The following SLC4A4 variants were observed in gnomAD, a reference collection of about 807,000 sequenced individuals.
The protein encoded by SLC4A4 is electrogenic sodium bicarbonate cotransporter 1.
A neutral mutation model predicts 111.5 loss-of-function variants in SLC4A4; 27 were observed. The ratio of observed to expected loss-of-function variants is 0.24; its 90% CI spans 0.18 to 0.33. SLC4A4 has a LOEUF of 0.33. Among genes scored for constraint, SLC4A4 ranks in the 10% least tolerant of loss-of-function variants. The pLI, the probability that SLC4A4 is intolerant of heterozygous loss-of-function variation, is 1.00. For missense variants in SLC4A4, 909 were observed against 1,315.5 expected (o/e 0.69, Z 4.78); for synonymous variants, 443 against 463.4 (o/e 0.96, Z 0.57).
intron 3 of SLC4A4, among the ~76,000 whole-genome samples, chr4:71,274,710 A>G (rs76890151): frequency 0.015 from 2,282 of 152,238 alleles, 53 homozygotes; most frequent in African/African-American, 0.05. Flanking sequence ...TGTGCCTTTT[A>G]CTAGCTCTTT....
chr4:71,429,614 A>G (rs903413975), intron 7 of SLC4A4, among the ~76,000 whole-genome samples: 1 of 152,156 alleles, frequency 6.6e-6, no homozygotes, highest in Non-Finnish European at 1.5e-5. Flanking sequence ...TGAACTAGTC[A>G]AAGTATTTTT....
chr4:71,305,817 A>G (rs1185472916), intron 3 of SLC4A4, among the ~76,000 whole-genome samples: 1 of 152,226 alleles, frequency 6.6e-6, no homozygotes, highest in Non-Finnish European at 1.5e-5. Flanking sequence ...TTATAGCCTA[A>G]TGGGAGGAGA....
At chr4:71,368,030 A>G (rs957745311) in intron 6 of SLC4A4, among the ~76,000 whole-genome samples, 2 of 152,162 alleles carry the variant, frequency 1.3e-5, no homozygotes, top group African/African-American at 4.8e-5. Flanking sequence ...TGATCATTTA[A>G]TGATGATCTT....
intron 16 of SLC4A4, among the ~76,000 whole-genome samples, chr4:71,522,370 A>C (rs540315918): frequency 1.2e-4 from 19 of 152,346 alleles, no homozygotes; most frequent in African/African-American, 4.3e-4. Flanking sequence ...GATCATAAAC[A>C]TGGAACAAAG....
chr4:71,415,905 T>C (rs1432971204), intron 7 of SLC4A4, among the ~76,000 whole-genome samples: 1 of 152,236 alleles, frequency 6.6e-6, no homozygotes, highest in African/African-American at 2.4e-5. Flanking sequence ...GCATAAATAC[T>C]TTCAAAGATC....
At chr4:71,065,678 C>T (rs1007812622) in intron 1 of SLC4A4, among the ~76,000 whole-genome samples, 28 of 151,976 alleles carry the variant, frequency 1.8e-4, no homozygotes, top group African/African-American at 5.6e-4. Context: ...TGGGACTTTG[C>T]GCATGTGTTT....
intron 7 of SLC4A4, among the ~76,000 whole-genome samples, chr4:71,400,159 G>A (rs1720227226): frequency 6.6e-6 from 1 of 152,114 alleles, no homozygotes; most frequent in Non-Finnish European, 1.5e-5. Context: ...TTTATTAAGG[G>A]CAGCTCTCCT....
chr4:71,453,403 ATATGT>A, intron 11 of SLC4A4, 87 bp from the exon 12 acceptor site: 1 of 1,230,426 alleles, frequency 8.1e-7, no homozygotes. Context: ...AGCATTTTAA[ATATGT>A]TGTGTTTGAT....
chr4:71,441,543 G>A (rs867858121), intron 8 of SLC4A4, among the ~76,000 whole-genome samples: 12 of 152,188 alleles, frequency 7.9e-5, no homozygotes, highest in Middle Eastern at 3.4e-3. Context: ...GTTGTTTTCT[G>A]TGGGTTCCAG....
At chr4:71,528,815 A>G (rs978071012) in intron 16 of SLC4A4, among the ~76,000 whole-genome samples, 4 of 152,054 alleles carry the variant, frequency 2.6e-5, no homozygotes, top group Non-Finnish European at 5.9e-5. Flanking sequence ...AAGTGGAAAA[A>G]TCAAAATATC....
intron 3 of SLC4A4, among the ~76,000 whole-genome samples, chr4:71,257,739 T>A (rs147718471): frequency 1.5e-3 from 236 of 152,288 alleles, no homozygotes; most frequent in African/African-American, 5.2e-3. Context: ...ATAGACAAGG[T>A]TCCCACATGT....
chr4:71,135,083 A>G (rs11729471), intron 2 of SLC4A4, among the ~76,000 whole-genome samples: 103,489 of 152,002 alleles, frequency 0.68, 37,370 homozygotes, highest in Admixed American at 0.81. Flanking sequence ...GTTCTTTAGC[A>G]TAAGTTCCAT....
intron 20 of SLC4A4, among the ~76,000 whole-genome samples, chr4:71,548,181 G>A (rs573160788): frequency 3.5e-4 from 53 of 151,690 alleles, no homozygotes; most frequent in East Asian, 3.9e-4. Flanking sequence ...GATATTTTTC[G>A]ACTATTCTTA....
chr4:71,228,784 T>C (rs914845285), intron 1 of SLC4A4, among the ~76,000 whole-genome samples: 1 of 152,190 alleles, frequency 6.6e-6, no homozygotes, highest in Non-Finnish European at 1.5e-5. Flanking sequence ...TACAGAGAGG[T>C]TACTGGTGCA....
In SLC4A4 at chr4:71,128,159, A is replaced by C. The variant is rs547561046; in HGVS notation, c.-2+35367A>C. The stretch of plus-strand genomic sequence containing the variant: ...CAAAAGAAAGAGGTTTAATCCACTC[A>C]CAGTTCCACCTGGCTGGGGAGGCCT... On this transcript the variant is annotated intron_variant, in intron 2 of 26. Coordinates refer to the SLC4A4 transcript ENST00000649996. Among the ~76,000 whole-genome samples the C allele has an allele frequency of 3.9e-5, 6 of 152,372 alleles. No homozygotes were observed. The East Asian group carries it at 9.6e-4, about 24-fold the overall frequency.
At chr4:71,352,633 C>CGA (rs1729945177) in intron 5 of SLC4A4, among the ~76,000 whole-genome samples, 1 of 152,178 alleles carries the variant, frequency 6.6e-6, no homozygotes, top group Admixed American at 6.5e-5. Context: ...AGTCTTCATT[C>CGA]CCTCATCTAT....
In SLC4A4 at chr4:71,462,795, C is replaced by T. The variant is rs115869958; in HGVS notation, c.1498-3649C>T. 1.6e-3 allele frequency among the ~76,000 whole-genome samples: 236 copies of T among 152,178 alleles called. 1 individual carries two copies. Among genetic ancestry groups the T allele is most frequent in the African/African-American group, 5.5e-3 (230 of 41,528 alleles). On this transcript the variant is annotated intron_variant, in intron 12 of 25. Transcript: ENST00000264485. ...ATCAGTCAGAGACTATGCTAAGCAC[C>T]TTACATACATTATCTATCTAATGTG...
intron 7 of SLC4A4, among the ~76,000 whole-genome samples, chr4:71,414,548 T>A (rs1252941530): frequency 6.6e-6 from 1 of 152,254 alleles, no homozygotes; most frequent in East Asian, 1.9e-4. Context: ...TATTCTACCC[T>A]TTTACCATGC....
At chr4:71,298,969 T>G (rs932920890) in intron 3 of SLC4A4, among the ~76,000 whole-genome samples, 1 of 152,220 alleles carries the variant, frequency 6.6e-6, no homozygotes, top group Non-Finnish European at 1.5e-5. Context: ...TTAGCAAATT[T>G]TATTTATTAC....
Sources: allele counts gnomAD v4.1 joint callset (sites outside exome capture counted in the v4.1 genomes callset), GRCh38; gene constraint gnomAD v4.1.1; transcripts MANE v1.5; gene names NCBI Gene and HGNC (gene_info 2026-07-23, HGNC 2026-07-21).